Variants in RNF144A observed in about 807,000 individuals in gnomAD.
The protein encoded by RNF144A is ring finger protein 144A, also known as E3 ubiquitin-protein ligase RNF144A.
Under a neutral mutation model 38.7 loss-of-function variants are expected in RNF144A, and 11 were observed. The ratio of observed to expected loss-of-function variants is 0.28; its 90% CI spans 0.18 to 0.47. RNF144A has a LOEUF of 0.47. RNF144A is among the 20% of genes least tolerant of loss of function. The probability of loss-of-function intolerance (pLI) is 0.99; values close to 1 mark genes in which losing one functional copy is unlikely to be tolerated. For synonymous variants in RNF144A, 149 were observed against 143.9 expected, an observed-to-expected ratio of 1.04 and a Z score of -0.25; for missense variants, 316 against 377.2, an observed-to-expected ratio of 0.84 and a Z score of 1.34.
chr2:7,043,742 A>C lies in RNF144A; in HGVS notation c.*3982A>C. 1 of 985,806 alleles carries C rather than the reference A, an allele frequency of 1.0e-6. No homozygotes were observed. The highest frequency in any genetic ancestry group is 1.2e-6 in the Non-Finnish European group (1 of 829,928). 61.1% of individuals were successfully genotyped at this position (985,806 alleles called of 1,614,324 possible). ...ACCCAGGGTCTCCACCCTTCCTTTG[A>C]TTTGTGCAATTCTGTCTTCCACAGT... is the stretch of plus-strand genomic sequence containing the variant. On this transcript the variant is annotated 3_prime_UTR_variant, in exon 9 of 9. Transcript: ENST00000320892.
chr2:6,948,494 T>C (rs1666480585), intron 2 of RNF144A, among the ~76,000 whole-genome samples: 1 of 152,240 alleles, frequency 6.6e-6, no homozygotes, highest in Admixed American at 6.5e-5. Context: ...GTGCTTCCCA[T>C]CATCCAGCTG....
At chr2:7,024,199 T>C (rs71411343) in intron 6 of RNF144A, among the ~76,000 whole-genome samples, 170 bp from the exon 7 acceptor site, 48,433 of 151,996 alleles carry the variant, frequency 0.32, 8,690 homozygotes, top group Middle Eastern at 0.41. Flanking sequence ...GGTTAATTTT[T>C]TTTTTCTGGA....
At chr2:6,982,884 A>G (rs567531635) in intron 2 of RNF144A, among the ~76,000 whole-genome samples, 1 of 152,332 alleles carries the variant, frequency 6.6e-6, no homozygotes, top group South Asian at 2.1e-4. Flanking sequence ...TCACACCTTT[A>G]GTACATTGGA....
At chr2:6,966,256 T>C (rs150834273) in intron 2 of RNF144A, among the ~76,000 whole-genome samples, 1 of 152,362 alleles carries the variant, frequency 6.6e-6, no homozygotes, top group East Asian at 1.9e-4. Flanking sequence ...AACACTGGAA[T>C]ATTTTAAAGT....
At chr2:6,934,806 A>G (rs12692328) in intron 1 of RNF144A, among the ~76,000 whole-genome samples, 50,379 of 152,208 alleles carry the variant, frequency 0.33, 8,662 homozygotes, top group South Asian at 0.41. Flanking sequence ...GCAGCTGGAC[A>G]TGGGTTGCCA....
At chr2:7,033,539 T>C (rs1373526528) in intron 8 of RNF144A, among the ~76,000 whole-genome samples, 2 of 152,246 alleles carry the variant, frequency 1.3e-5, no homozygotes, top group Non-Finnish European at 2.9e-5. Context: ...GCCCTGGCCG[T>C]TGCTGCCAGC....
At position 7,043,301 on chromosome 2, in the gene RNF144A, A is replaced by T. The variant is rs1319508172; in HGVS notation, c.*3541A>T. The T allele has an allele frequency of 9.1e-6, 9 of 985,286 alleles. No homozygotes were observed. The highest frequency in any genetic ancestry group is 1.1e-5 in the Non-Finnish European group (9 of 829,786). 61.0% of individuals were successfully genotyped at this position (985,286 alleles called of 1,614,324 possible). A position where few individuals can be genotyped will look rare whatever the true frequency, so the allele number is the denominator to read the frequency against. ...TCAGAGATGCAAAAATTACTTCAAGATGAGTTTATTGTTTTCATTTGTATT... is the reference window on the plus strand; with the variant it reads ...TCAGAGATGCAAAAATTACTTCAAGTTGAGTTTATTGTTTTCATTTGTATT... On this transcript the variant is annotated 3_prime_UTR_variant, in exon 9 of 9. Coordinates refer to ENST00000320892, the MANE Select transcript of RNF144A (RefSeq NM_014746.6).
At chr2:7,067,997 TCTC>T (rs1167259906) in intron 6 of RNF144A, among the ~76,000 whole-genome samples, 1 of 152,166 alleles carries the variant, frequency 6.6e-6, no homozygotes, top group African/African-American at 2.4e-5. Flanking sequence ...CACCCCGATA[TCTC>T]CTCTTAGTAA....
At chr2:6,935,216 C>T (rs1485860076) in intron 1 of RNF144A, among the ~76,000 whole-genome samples, 1 of 152,232 alleles carries the variant, frequency 6.6e-6, no homozygotes, top group Non-Finnish European at 1.5e-5. Flanking sequence ...CTACTTTAGC[C>T]ATTTCAACAT....
At chr2:7,000,589 T>TA (rs1420072722) in intron 3 of RNF144A, among the ~76,000 whole-genome samples, 1 of 152,188 alleles carries the variant, frequency 6.6e-6, no homozygotes, top group African/African-American at 2.4e-5. Context: ...AATATGGTGT[T>TA]ACTGCTGGCA....
intron 6 of RNF144A, among the ~76,000 whole-genome samples, chr2:7,021,524 A>G (rs1412959903): frequency 6.6e-6 from 1 of 152,044 alleles, no homozygotes; most frequent in Non-Finnish European, 1.5e-5. Context: ...CCGTGTCTGG[A>G]GTGCCCTGCT....
intron 2 of RNF144A, chr2:6,996,708 G>A (rs1229689153): frequency 1.1e-5 from 6 of 549,444 alleles, no homozygotes; most frequent in African/African-American, 1.9e-5. Flanking sequence ...GAGCTAGATT[G>A]CACCACTGTA....
chr2:7,043,574 C>G lies in RNF144A; in HGVS notation c.*3814C>G. 5.1e-6 allele frequency: 5 copies of G among 985,594 alleles called. No homozygotes were observed. The highest frequency in any genetic ancestry group is 6.0e-6 in the Non-Finnish European group (5 of 829,758). The allele number at this position is 985,594 out of a possible 1,614,324, so 61.1% of individuals were successfully genotyped here. A position where few individuals can be genotyped will look rare whatever the true frequency, so the allele number is the denominator to read the frequency against. On this transcript the variant is annotated 3_prime_UTR_variant, in exon 9 of 9. Coordinates refer to ENST00000320892, the MANE Select transcript of RNF144A (RefSeq NM_014746.6). ...AAGCTTGTTTATTTCTGATAATTAA[C>G]CTAAGCCCTTATGAAAATAAACAAA...
rs114568236 is a variant in RNF144A, at chr2:7,039,027, A to T, written c.748-602A>T. Among the ~76,000 whole-genome samples the T allele has an allele frequency of 3.3e-3, 506 of 151,982 alleles. 2 individuals are homozygous for T. Among genetic ancestry groups the T allele is most frequent in the African/African-American group, 0.012 (486 of 41,454 alleles). On this transcript the variant is annotated intron_variant, in intron 8 of 8. Transcript: ENST00000320892. Reference sequence around the variant, plus strand: ...AATGGATGGGTGGATGAGTAGATAGATGGATGGGTAGGTGGATGGATGGAG... The same window carrying T: ...AATGGATGGGTGGATGAGTAGATAGTTGGATGGGTAGGTGGATGGATGGAG...
chr2:7,044,758 A>G (rs1558461712), downstream of RNF144A, among the ~76,000 whole-genome samples: 1 of 152,324 alleles, frequency 6.6e-6, no homozygotes, highest in East Asian at 1.9e-4. Flanking sequence ...ATGCGTTCAT[A>G]TGATGCTCAA....
chr2:6,920,568 C>T (rs1213034101), intron 1 of RNF144A, among the ~76,000 whole-genome samples: 3 of 152,218 alleles, frequency 2.0e-5, no homozygotes, highest in Admixed American at 6.5e-5. Flanking sequence ...GAACCCCTGG[C>T]TTCACAGGAT....
intron 7 of RNF144A, among the ~76,000 whole-genome samples, chr2:7,027,660 G>C (rs2280337): frequency 6.6e-6 from 1 of 152,080 alleles, no homozygotes; most frequent in Non-Finnish European, 1.5e-5. Context: ...CCCTGATTGC[G>C]GCTTCCCGGA....
rs553790095 is a variant in RNF144A at position 6,976,225 on chromosome 2, A to G, written c.-11-20691A>G. 1.9e-4 allele frequency among the ~76,000 whole-genome samples: 29 copies of G among 152,328 alleles called. 1 individual carries two copies. The South Asian group carries it at 5.4e-3, about 28-fold the overall frequency. ...TATATCATTTTGAACTCCAGCCAGTAAGGTGTGTGAGTAATGGTTGACCTA... is the reference window on the plus strand; with the variant it reads ...TATATCATTTTGAACTCCAGCCAGTGAGGTGTGTGAGTAATGGTTGACCTA... On this transcript the variant is annotated intron_variant, in intron 2 of 8. Coordinates refer to ENST00000320892, the MANE Select transcript of RNF144A (RefSeq NM_014746.6).
intron 2 of RNF144A, among the ~76,000 whole-genome samples, chr2:6,977,349 G>T (rs1365738250): frequency 2.6e-5 from 4 of 152,220 alleles, no homozygotes; most frequent in Non-Finnish European, 5.9e-5. Flanking sequence ...TGCCTTTTGA[G>T]TTAATGACAC....
Sources: gnomAD v4.1 joint callset for allele counts (sites outside exome capture counted in the v4.1 genomes callset) on GRCh38, gnomAD v4.1.1 for gene constraint, MANE v1.5 for transcripts, NCBI Gene and HGNC (gene_info 2026-07-23, HGNC 2026-07-21) for gene names.